The following TMTC2 variants were observed in gnomAD, a reference collection of about 807,000 sequenced individuals.
The protein encoded by TMTC2 is transmembrane O-mannosyltransferase targeting cadherins 2.
TMTC2 carries 43 observed loss-of-function variants against 82.4 expected under a neutral mutation model. The observed-to-expected ratio is 0.52, with a 90% CI of 0.41 to 0.67. TMTC2 has a LOEUF of 0.67. Ranked by LOEUF, TMTC2 falls within the 30% of genes least tolerant of loss-of-function variation. The pLI, the probability that TMTC2 is intolerant of heterozygous loss-of-function variation, is 0.00. For synonymous variants in TMTC2, 408 were observed against 381.9 expected, an observed-to-expected ratio of 1.07 and a Z score of -0.80; for missense variants, 919 against 1,012.4, an observed-to-expected ratio of 0.91 and a Z score of 1.25.
intron 4 of TMTC2, among the ~76,000 whole-genome samples, chr12:82,944,245 G>A (rs1036709987): frequency 1.3e-5 from 2 of 152,130 alleles, no homozygotes; most frequent in African/African-American, 4.8e-5. Context: ...GAAGAACCAT[G>A]GGTGGAATCC....
At chr12:82,968,024 C>T (rs1355301036) in intron 7 of TMTC2, among the ~76,000 whole-genome samples, 6 of 152,058 alleles carry the variant, frequency 3.9e-5, no homozygotes, top group Admixed American at 1.3e-4. Flanking sequence ...AGAACACTCA[C>T]GTTCTCTTTT....
intron 3 of TMTC2, among the ~76,000 whole-genome samples, chr12:82,909,927 T>G (rs1210335969): frequency 6.6e-6 from 1 of 152,160 alleles, no homozygotes; most frequent in Non-Finnish European, 1.5e-5. Context: ...AAAAGAAAAC[T>G]TAAAAGAAGC....
chr12:82,876,453 G>A lies in TMTC2; in HGVS notation c.654+18873G>A, dbSNP rs7305936. 8.5e-3 allele frequency among the ~76,000 whole-genome samples: 1,287 copies of A among 152,154 alleles called. 17 individuals carry two copies. Among genetic ancestry groups the A allele is most frequent in the African/African-American group, 0.029 (1,219 of 41,514 alleles). On this transcript the variant is annotated intron_variant, in intron 2 of 11. Coordinates refer to ENST00000321196, the MANE Select transcript of TMTC2 (RefSeq NM_152588.3). ...CTTCATGTCTCTCTAAAAATGGGCC[G>A]TGTTTTTTCCATCCAAATGAAGAAC...
In TMTC2 at chr12:82,742,162, G is replaced by C. The variant is rs368831439; in HGVS notation, c.83+54493G>C. Among the ~76,000 whole-genome samples the C allele has an allele frequency of 3.9e-5, 6 of 152,158 alleles. No individual in the cohort carries two copies. The East Asian group carries it at 1.2e-3, about 29-fold the overall frequency. On this transcript the variant is annotated intron_variant, in intron 1 of 11. Coordinates refer to ENST00000321196, the MANE Select transcript of TMTC2 (RefSeq NM_152588.3). ...TAAGGCGCATCCCTACTTATTTACTGGAGTACCATGGAATGTGACCTCGAG... is the reference window on the plus strand; with the variant it reads ...TAAGGCGCATCCCTACTTATTTACTCGAGTACCATGGAATGTGACCTCGAG...
intron 1 of TMTC2, among the ~76,000 whole-genome samples, chr12:82,726,685 C>T (rs1874466461): frequency 6.6e-6 from 1 of 151,994 alleles, no homozygotes; most frequent in African/African-American, 2.4e-5. Flanking sequence ...TAGAGACCAT[C>T]CTGGCTAACA....
intron 1 of TMTC2, among the ~76,000 whole-genome samples, chr12:82,754,971 A>T (rs1194858496): frequency 6.6e-6 from 1 of 152,258 alleles, no homozygotes; most frequent in Non-Finnish European, 1.5e-5. Context: ...GCAAGGCATA[A>T]TTATTTTCCA....
chr12:83,019,929 C>T (rs1207075735), intron 8 of TMTC2, among the ~76,000 whole-genome samples: 3 of 152,202 alleles, frequency 2.0e-5, no homozygotes, highest in African/African-American at 2.4e-5. Flanking sequence ...TTGTATGGTT[C>T]GCCTTCACTC....
chr12:82,869,178 G>T (rs1276759117), intron 2 of TMTC2, among the ~76,000 whole-genome samples: 1 of 152,148 alleles, frequency 6.6e-6, no homozygotes, highest in African/African-American at 2.4e-5. Context: ...GATTCGTCAT[G>T]AGTTTTCTTT....
At chr12:83,108,132 C>G (rs1442836505) in intron 11 of TMTC2, among the ~76,000 whole-genome samples, 1 of 152,082 alleles carries the variant, frequency 6.6e-6, no homozygotes, top group African/African-American at 2.4e-5. Flanking sequence ...GAACCATGAG[C>G]CAATTAAGCC....
In TMTC2 at chr12:83,061,834, A is replaced by G; in HGVS notation, c.2331+3A>G. 6.3e-7 allele frequency: 1 copy of G among 1,592,170 alleles called. No individual in the cohort carries two copies. Among genetic ancestry groups the G allele is most frequent in the South Asian group, 1.2e-5 (1 of 85,416 alleles). On this transcript the variant is annotated splice_donor_region_variant and intron_variant, in intron 11 of 11. Coordinates refer to ENST00000321196, the MANE Select transcript of TMTC2 (RefSeq NM_152588.3). ...TGGCAGCCAGGCTGAGGCCTAATGT[A>G]AGTACTTCCCTAATGAGAAACATTT...
At chr12:82,945,655 A>C (rs1444307471) in intron 4 of TMTC2, among the ~76,000 whole-genome samples, 1 of 152,194 alleles carries the variant, frequency 6.6e-6, no homozygotes, top group Non-Finnish European at 1.5e-5. Flanking sequence ...TTATGAAAAA[A>C]GTTTCTTATT....
At chr12:82,930,601 G>A in intron 4 of TMTC2, 56 bp downstream of exon 4, 1 of 1,066,118 alleles carries the variant, frequency 9.4e-7, no homozygotes, top group Non-Finnish European at 1.4e-6. Context: ...CAGTGAGAGG[G>A]ACTATTGATT....
At position 82,689,384 on chromosome 12, in the gene TMTC2, A is replaced by ACTGGCTCTTGGGGGCAGTTT. The variant is rs1245217090; in HGVS notation, c.83+1716_83+1735dup. On this transcript the variant is annotated intron_variant, in intron 1 of 11. Coordinates refer to ENST00000321196, the MANE Select transcript of TMTC2 (RefSeq NM_152588.3). ...CCACCTTGGGTCAGTGTGGGCAGTTACTGGCTCTTGGGGGCAGTTTGAATA... is the reference window on the plus strand; with the variant it reads ...CCACCTTGGGTCAGTGTGGGCAGTTACTGGCTCTTGGGGGCAGTTTCTGGCTCTTGGGGGCAGTTTGAATA... Among the ~76,000 whole-genome samples, 22 of 152,242 alleles carry ACTGGCTCTTGGGGGCAGTTT rather than the reference A, an allele frequency of 1.4e-4. No homozygotes were observed. In the East Asian group the frequency reaches 4.3e-3, roughly 30 times the overall value.
At chr12:82,939,689 A>G (rs977614285) in intron 4 of TMTC2, among the ~76,000 whole-genome samples, 2 of 152,134 alleles carry the variant, frequency 1.3e-5, no homozygotes, top group Non-Finnish European at 2.9e-5. Flanking sequence ...CCCTATATAA[A>G]CACAGTTCAT....
intron 2 of TMTC2, among the ~76,000 whole-genome samples, chr12:82,866,570 A>T (rs933071225): frequency 1.3e-5 from 2 of 152,132 alleles, no homozygotes. Context: ...TGTGTCTGGG[A>T]TGCATATTAC....
intron 4 of TMTC2, among the ~76,000 whole-genome samples, chr12:82,951,237 A>C (rs1317027945): frequency 6.6e-6 from 1 of 151,744 alleles, no homozygotes; most frequent in Admixed American, 6.6e-5. Flanking sequence ...CATTTTTCTT[A>C]GTTCAATGAA....
chr12:83,054,585 G>A (rs1882467149), intron 10 of TMTC2, among the ~76,000 whole-genome samples: 2 of 150,542 alleles, frequency 1.3e-5, no homozygotes, highest in African/African-American at 4.9e-5. Context: ...AATTATATAT[G>A]TGTATATAAT....
At chr12:83,070,748 G>A (rs1158617390) in intron 11 of TMTC2, among the ~76,000 whole-genome samples, 1 of 152,136 alleles carries the variant, frequency 6.6e-6, no homozygotes, top group Admixed American at 6.5e-5. Flanking sequence ...AGTGGTGAGA[G>A]TGGGCATCCT....
rs1872354814 is a variant in TMTC2 at position 82,687,258 on chromosome 12, G to C, written c.-329G>C. 9 of 420,598 alleles carry C rather than the reference G, an allele frequency of 2.1e-5. 1 individual carries two copies. Among genetic ancestry groups the C allele is most frequent in the South Asian group, 2.1e-4 (9 of 43,598 alleles). 26.1% of individuals were successfully genotyped at this position (420,598 alleles called of 1,614,324 possible). ...GACGCCCCAAACTGCCATGGGTTAG[G>C]GTGGGGATCGCGACCCGCGCGAAAG... On this transcript the variant is annotated 5_prime_UTR_variant, in exon 1 of 12. Transcript: ENST00000321196.
Sources: gnomAD v4.1 joint callset for allele counts (sites outside exome capture counted in the v4.1 genomes callset) on GRCh38, gnomAD v4.1.1 for gene constraint, MANE v1.5 for transcripts, NCBI Gene and HGNC (gene_info 2026-07-23, HGNC 2026-07-21) for gene names.